MAGI1: variants seen among roughly 807,000 people sequenced by gnomAD.
The protein encoded by MAGI1 is membrane associated guanylate kinase, WW and PDZ domain containing 1, also known as membrane-associated guanylate kinase, WW and PDZ domain-containing protein 1.
Under a neutral mutation model 139.9 loss-of-function variants are expected in MAGI1, and 58 were observed. That is an observed-to-expected ratio of 0.41 (90% CI 0.34 to 0.52). The LOEUF is 0.52. Ranked by LOEUF, MAGI1 falls within the 20% of genes least tolerant of loss-of-function variation. The pLI is 0.12. For missense variants in MAGI1, 1,874 were observed against 1,901.6 expected (o/e 0.99, Z 0.27); for synonymous variants, 812 against 737.9 (o/e 1.10, Z -1.63).
chr3:65,770,221 A>C (rs1047708521), intron 1 of MAGI1, among the ~76,000 whole-genome samples: 1 of 152,230 alleles, frequency 6.6e-6, no homozygotes, highest in Non-Finnish European at 1.5e-5. Context: ...AGCATTTCCC[A>C]GAGACTCTAT....
chr3:65,842,711 G>A (rs1490059224), intron 1 of MAGI1, among the ~76,000 whole-genome samples: 1 of 152,088 alleles, frequency 6.6e-6, no homozygotes, highest in African/African-American at 2.4e-5. Flanking sequence ...ACAAATATTT[G>A]GACCATAGTA....
At chr3:65,542,514 G>GTTA (rs2079286063) in intron 2 of MAGI1, among the ~76,000 whole-genome samples, 1 of 152,072 alleles carries the variant, frequency 6.6e-6, no homozygotes, top group African/African-American at 2.4e-5. Context: ...ATACTACAAG[G>GTTA]CTATAGTAAC....
Position 65,673,115 on chromosome 3 carries a change from G to A in MAGI1, c.314-51027C>T, listed in dbSNP as rs138752026. Among the ~76,000 whole-genome samples, 8 of 152,244 alleles carry A rather than the reference G, an allele frequency of 5.3e-5. No individual in the cohort carries two copies. The East Asian group carries it at 1.5e-3, about 29-fold the overall frequency. Reference sequence around the variant, plus strand: ...GTTGCACTTGTGCCTGGGCTTGCGAGTTTTTGTTCACCTAAATTAAGATTC... The same window carrying A: ...GTTGCACTTGTGCCTGGGCTTGCGAATTTTTGTTCACCTAAATTAAGATTC... On this transcript the variant is annotated intron_variant, in intron 1 of 22. Coordinates refer to ENST00000402939, the MANE Select transcript of MAGI1 (RefSeq NM_001033057.2).
At chr3:65,510,791 G>A (rs2077548380) in intron 2 of MAGI1, among the ~76,000 whole-genome samples, 1 of 140,016 alleles carries the variant, frequency 7.1e-6, no homozygotes, top group South Asian at 2.5e-4. Context: ...TCAGATTCAG[G>A]AAATACAGAG....
chr3:65,752,059 C>T (rs2036198437), intron 1 of MAGI1, among the ~76,000 whole-genome samples: 1 of 152,208 alleles, frequency 6.6e-6, no homozygotes, highest in African/African-American at 2.4e-5. Flanking sequence ...CATCCCGCCT[C>T]AGCCCCTCCA....
intron 1 of MAGI1, among the ~76,000 whole-genome samples, chr3:65,984,291 C>T (rs1391712244): frequency 2.0e-5 from 3 of 152,102 alleles, no homozygotes; most frequent in Non-Finnish European, 4.4e-5. Context: ...GAGACACCAT[C>T]TAAAAACTAT....
chr3:65,682,146 C>A (rs2087636488), intron 1 of MAGI1, among the ~76,000 whole-genome samples: 1 of 152,108 alleles, frequency 6.6e-6, no homozygotes, highest in Non-Finnish European at 1.5e-5. Flanking sequence ...AACAAAAACC[C>A]CTCTGGAGAG....
At chr3:66,021,216 T>C (rs984218066) in intron 1 of MAGI1, among the ~76,000 whole-genome samples, 1 of 152,202 alleles carries the variant, frequency 6.6e-6, no homozygotes, top group Non-Finnish European at 1.5e-5. Context: ...AGGTACACAA[T>C]TGCCACATGT....
At chr3:65,501,366 G>T (rs1388272958) in intron 2 of MAGI1, among the ~76,000 whole-genome samples, 1 of 149,014 alleles carries the variant, frequency 6.7e-6, no homozygotes, top group African/African-American at 2.5e-5. Flanking sequence ...CAGCTACTTG[G>T]GAGGCTGAGG....
chr3:65,886,231 G>A (rs1178793209), intron 1 of MAGI1, among the ~76,000 whole-genome samples: 4 of 152,104 alleles, frequency 2.6e-5, no homozygotes, highest in Non-Finnish European at 4.4e-5. Flanking sequence ...AAGTTCATAT[G>A]TAAATGTCCT....
At chr3:65,645,621 A>C (rs1223757654) in intron 1 of MAGI1, among the ~76,000 whole-genome samples, 1 of 152,196 alleles carries the variant, frequency 6.6e-6, no homozygotes, top group Non-Finnish European at 1.5e-5. Flanking sequence ...AAAAGAGTAA[A>C]AGTACAAGCA....
At chr3:65,799,271 A>G (rs2040361100) in intron 1 of MAGI1, among the ~76,000 whole-genome samples, 1 of 152,194 alleles carries the variant, frequency 6.6e-6, no homozygotes, top group Admixed American at 6.5e-5. Flanking sequence ...TCAAAAGGAA[A>G]GAAAAATGTT....
In MAGI1 at chr3:65,400,750, ATTTTTTTTTTTTTTTTTTTTTTT is replaced by A. The variant is rs767598706; in HGVS notation, c.2199+666_2199+688del. On this transcript the variant is annotated intron_variant, in intron 13 of 22. Coordinates refer to ENST00000402939, the MANE Select transcript of MAGI1 (RefSeq NM_001033057.2). ...GATTGGAAAGGACAGCAAAACATTG[ATTTTTTTTTTTTTTTTTTTTTTT>A]TTTTTTTTTTTTTTTTAAGAATCCT... 8.3e-4 allele frequency among the ~76,000 whole-genome samples: 50 copies of A among 60,600 alleles called. No homozygotes were observed. The East Asian group carries it at 0.01, about 12-fold the overall frequency. The allele number at this position is 60,600 out of a possible 152,430, so 39.8% of individuals were successfully genotyped here.
chr3:65,680,193 T>C (rs1168041068), intron 1 of MAGI1, among the ~76,000 whole-genome samples: 1 of 152,160 alleles, frequency 6.6e-6, no homozygotes, highest in African/African-American at 2.4e-5. Context: ...AGCATCTCCC[T>C]TGGATTCCAG....
At position 66,038,445 on chromosome 3, in the gene MAGI1, C is replaced by T. The variant is rs1459121779; in HGVS notation, c.-137G>A. On this transcript the variant is annotated 5_prime_UTR_variant, in exon 1 of 23. Transcript: ENST00000402939. ...AAAACAGGAGAGAGAAACTTGGCAG[C>T]CTCGCTCCCCTGCACACGCTCGCGC... is the stretch of plus-strand genomic sequence containing the variant. 2 of 1,207,554 alleles carry T rather than the reference C, an allele frequency of 1.7e-6. No individual in the cohort carries two copies. The highest frequency in any genetic ancestry group is 1.1e-6 in the Non-Finnish European group (1 of 900,166). The allele number at this position is 1,207,554 out of a possible 1,614,324, so 74.8% of individuals were successfully genotyped here. A position where few individuals can be genotyped will look rare whatever the true frequency, so the allele number is the denominator to read the frequency against.
At chr3:65,541,148 C>A (rs760701603) in intron 2 of MAGI1, among the ~76,000 whole-genome samples, 1 of 152,090 alleles carries the variant, frequency 6.6e-6, no homozygotes. Flanking sequence ...AACATCTCTA[C>A]GCAAATAAAC....
intron 1 of MAGI1, among the ~76,000 whole-genome samples, chr3:65,837,292 T>G (rs1296621512): frequency 6.6e-6 from 1 of 152,202 alleles, no homozygotes; most frequent in Admixed American, 6.5e-5. Context: ...CTGTCATTTC[T>G]ACAGCAGCTG....
At chr3:65,831,981 C>T (rs187647706) in intron 1 of MAGI1, among the ~76,000 whole-genome samples, 4 of 152,260 alleles carry the variant, frequency 2.6e-5, no homozygotes, top group East Asian at 1.9e-4. Flanking sequence ...TTTCATATTG[C>T]GCCAATAATC....
intron 2 of MAGI1, among the ~76,000 whole-genome samples, chr3:65,582,202 C>A (rs1290376999): frequency 6.6e-6 from 1 of 152,216 alleles, no homozygotes; most frequent in Non-Finnish European, 1.5e-5. Context: ...CTACTGCATT[C>A]CCTGCCCTAG....
Sources: allele counts gnomAD v4.1 joint callset (sites outside exome capture counted in the v4.1 genomes callset), GRCh38; gene constraint gnomAD v4.1.1; transcripts MANE v1.5; gene names NCBI Gene and HGNC (gene_info 2026-07-23, HGNC 2026-07-21).